Variants in RBFOX1 observed in about 807,000 individuals in gnomAD.
RBFOX1 encodes the protein RNA binding fox-1 homolog 1, also known as RNA binding protein fox-1 homolog 1.
Under a neutral mutation model 57.7 loss-of-function variants are expected in RBFOX1, and 8 were observed. The observed-to-expected ratio is 0.14, with a 90% CI of 0.08 to 0.25. The LOEUF is 0.25. Ranked by LOEUF, RBFOX1 falls within the 10% of genes least tolerant of loss-of-function variation. RBFOX1 has a pLI of 1.00. For synonymous variants in RBFOX1, 326 were observed against 222.4 expected, an observed-to-expected ratio of 1.47 and a Z score of -4.15; for missense variants, 611 against 548.5, an observed-to-expected ratio of 1.11 and a Z score of -1.14.
intron 3 of RBFOX1, among the ~76,000 whole-genome samples, chr16:5,829,160 G>T (rs138853490): frequency 2.6e-5 from 4 of 152,148 alleles, no homozygotes; most frequent in African/African-American, 9.7e-5. Context: ...GGGGTCAATG[G>T]GGACCATCTT....
chr16:5,281,978 A>T (rs1259061195), intron 1 of RBFOX1, among the ~76,000 whole-genome samples: 2 of 152,110 alleles, frequency 1.3e-5, no homozygotes, highest in East Asian at 1.9e-4. Flanking sequence ...GTTATTTTGT[A>T]TATCCTTTTG....
At chr16:6,058,316 C>A (rs1321535765) in intron 1 of RBFOX1, among the ~76,000 whole-genome samples, 1 of 151,272 alleles carries the variant, frequency 6.6e-6, no homozygotes, top group African/African-American at 2.4e-5. Context: ...TCTTCTTCCT[C>A]CCTCCTCTCC....
In RBFOX1 at chr16:6,585,215, A is replaced by G. The variant is rs117870494; in HGVS notation, c.-63-69388A>G. 2.9e-3 allele frequency among the ~76,000 whole-genome samples: 437 copies of G among 152,318 alleles called. 3 individuals carry two copies. Among genetic ancestry groups the G allele is most frequent in the Non-Finnish European group, 1.6e-3 (112 of 68,034 alleles). The stretch of plus-strand genomic sequence containing the variant: ...TGGTATTTTTCCAAAACAATTCCTT[A>G]ATAGATAACTATCATCTTTCCTATC... On this transcript the variant is annotated intron_variant, in intron 2 of 15. Transcript: ENST00000550418.
chr16:7,280,197 C>G (rs1175354478), intron 4 of RBFOX1, among the ~76,000 whole-genome samples: 1 of 152,216 alleles, frequency 6.6e-6, no homozygotes, highest in Non-Finnish European at 1.5e-5. Flanking sequence ...CTAAATTCAG[C>G]TGTTTTCCTC....
intron 1 of RBFOX1, among the ~76,000 whole-genome samples, chr16:5,416,118 T>C (rs776383944): frequency 8.5e-5 from 13 of 152,208 alleles, no homozygotes; most frequent in Non-Finnish European, 1.9e-4. Context: ...TTTATGAGAG[T>C]TGACATGAAG....
intron 4 of RBFOX1, among the ~76,000 whole-genome samples, chr16:7,393,767 C>T (rs549443720): frequency 1.3e-5 from 2 of 152,328 alleles, no homozygotes; most frequent in South Asian, 4.1e-4. Flanking sequence ...GTGGTAGCCG[C>T]CTTACCCCTT....
intron 3 of RBFOX1, among the ~76,000 whole-genome samples, chr16:6,959,711 C>G (rs1020809230): frequency 6.6e-6 from 1 of 151,984 alleles, no homozygotes; most frequent in Non-Finnish European, 1.5e-5. Flanking sequence ...CTGAGGTAGG[C>G]GGATCACCTG....
chr16:7,620,918 C>T (rs1468473789), intron 10 of RBFOX1, among the ~76,000 whole-genome samples: 1 of 152,074 alleles, frequency 6.6e-6, no homozygotes, highest in African/African-American at 2.4e-5. Flanking sequence ...AAACCTAGGG[C>T]CACCTTAATG....
chr16:6,944,632 G>T (rs572406581), intron 3 of RBFOX1, among the ~76,000 whole-genome samples: 5 of 152,128 alleles, frequency 3.3e-5, no homozygotes, highest in Admixed American at 1.3e-4. Context: ...TCTAGTTTTT[G>T]TGGGGGTCTG....
At chr16:6,070,920 A>G (rs1180595764) in intron 1 of RBFOX1, among the ~76,000 whole-genome samples, 1 of 152,132 alleles carries the variant, frequency 6.6e-6, no homozygotes, top group Non-Finnish European at 1.5e-5. Context: ...ATGAAGCACA[A>G]TATCAAATTA....
chr16:5,923,408 G>A (rs375762730), intron 4 of RBFOX1, among the ~76,000 whole-genome samples: 1 of 152,020 alleles, frequency 6.6e-6, no homozygotes, highest in Non-Finnish European at 1.5e-5. Context: ...AGGGCCTTCA[G>A]GATTAGCCCC....
chr16:7,667,553 A>G (rs2069767165), intron 13 of RBFOX1, among the ~76,000 whole-genome samples: 1 of 152,198 alleles, frequency 6.6e-6, no homozygotes, highest in Non-Finnish European at 1.5e-5. Context: ...TACTTTAAAG[A>G]AAGATTTTGG....
intron 2 of RBFOX1, among the ~76,000 whole-genome samples, chr16:6,475,938 CT>C (rs998424604): frequency 4.6e-5 from 7 of 152,164 alleles, no homozygotes; most frequent in Non-Finnish European, 1.0e-4. Context: ...GGCTTAACGT[CT>C]TTTTTTCCCC....
At chr16:6,899,556 A>T (rs1442265173) in intron 3 of RBFOX1, among the ~76,000 whole-genome samples, 1 of 152,200 alleles carries the variant, frequency 6.6e-6, no homozygotes, top group African/African-American at 2.4e-5. Flanking sequence ...TGTAGATTAC[A>T]ACTCCATCTC....
At chr16:6,938,300 C>G (rs192327038) in intron 3 of RBFOX1, among the ~76,000 whole-genome samples, 1 of 151,998 alleles carries the variant, frequency 6.6e-6, no homozygotes, top group Non-Finnish European at 1.5e-5. Context: ...TTTTTGGTAT[C>G]GTCACAAGGA....
At chr16:6,062,188 G>C (rs2095695881) in intron 1 of RBFOX1, among the ~76,000 whole-genome samples, 1 of 152,144 alleles carries the variant, frequency 6.6e-6, no homozygotes, top group Non-Finnish European at 1.5e-5. Context: ...AGCCCCACTA[G>C]TTAAGAAGCT....
At chr16:5,346,977 C>T (rs906714924) in intron 1 of RBFOX1, among the ~76,000 whole-genome samples, 14 of 152,026 alleles carry the variant, frequency 9.2e-5, no homozygotes, top group East Asian at 3.9e-4. Context: ...TTGCATTGGT[C>T]GCTCTGTCTG....
At chr16:6,529,522 G>T (rs1288838664) in intron 2 of RBFOX1, among the ~76,000 whole-genome samples, 4 of 151,824 alleles carry the variant, frequency 2.6e-5, no homozygotes, top group Non-Finnish European at 5.9e-5. Flanking sequence ...TTGCACCACT[G>T]CACTGCAGCC....
chr16:6,668,012 T>C (rs1568129902), intron 3 of RBFOX1, among the ~76,000 whole-genome samples: 1 of 152,172 alleles, frequency 6.6e-6, no homozygotes, highest in Non-Finnish European at 1.5e-5. Flanking sequence ...GATCAGAGAG[T>C]ATACATCTAG....
Sources: allele counts gnomAD v4.1 joint callset (sites outside exome capture counted in the v4.1 genomes callset), GRCh38; gene constraint gnomAD v4.1.1; transcripts MANE v1.5; gene names NCBI Gene and HGNC (gene_info 2026-07-23, HGNC 2026-07-21).